Variants in LUZP2 observed in about 807,000 individuals in gnomAD.
The protein encoded by LUZP2 is leucine zipper protein 2.
Under a neutral mutation model 51.6 loss-of-function variants are expected in LUZP2, and 52 were observed. The observed-to-expected ratio is 1.01, with a 90% CI of 0.81 to 1.27. The LOEUF is 1.27. Among genes scored for constraint, LUZP2 ranks in the 50% most tolerant of loss-of-function variants. The pLI is 0.00. For synonymous variants in LUZP2, 154 were observed against 137.3 expected, an observed-to-expected ratio of 1.12 and a Z score of -0.85; for missense variants, 436 against 395.4, an observed-to-expected ratio of 1.10 and a Z score of -0.87.
rs138945554 is a variant in LUZP2, at chr11:24,513,101, T to C, written c.62+15796T>C. On this transcript the variant is annotated intron_variant, in intron 1 of 11. Transcript: ENST00000336930. Reference sequence around the variant, plus strand: ...GACATAGTTTTCCTTTCAGTCTCTGTTTTTTAATTACTATTATTTTAAGAA... The same window carrying C: ...GACATAGTTTTCCTTTCAGTCTCTGCTTTTTAATTACTATTATTTTAAGAA... 2.0e-3 allele frequency among the ~76,000 whole-genome samples: 305 copies of C among 152,336 alleles called. 1 individual carries two copies. Among genetic ancestry groups the C allele is most frequent in the African/African-American group, 7.0e-3 (292 of 41,562 alleles).
At chr11:24,990,418 A>G (rs1433187439) in intron 9 of LUZP2, among the ~76,000 whole-genome samples, 1 of 152,098 alleles carries the variant, frequency 6.6e-6, no homozygotes, top group Non-Finnish European at 1.5e-5. Context: ...AGTCAAGGAC[A>G]AATCTTTAGA....
rs561070299 is a variant in LUZP2, at chr11:24,655,386, C to CT, written c.63-73773dup. Among the ~76,000 whole-genome samples the CT allele has an allele frequency of 2.6e-3, 381 of 147,776 alleles. 2 individuals are homozygous for CT. Among genetic ancestry groups the CT allele is most frequent in the African/African-American group, 3.3e-3 (133 of 40,280 alleles). On this transcript the variant is annotated intron_variant, in intron 1 of 11. Transcript: ENST00000336930. ...ATTTCAGCTTTTTAAAAATAGAGGT[C>CT]TTTTTTTTTTAATAACTAGAGGTGC...
intron 1 of LUZP2, among the ~76,000 whole-genome samples, chr11:24,673,863 C>T (rs1856469594): frequency 6.6e-6 from 1 of 152,198 alleles, no homozygotes; most frequent in Admixed American, 6.5e-5. Context: ...TTTCTTAACA[C>T]ATATTCACTT....
Position 24,566,326 on chromosome 11 carries a change from ATT to A in LUZP2, c.62+69042_62+69043del, listed in dbSNP as rs869144004. Among the ~76,000 whole-genome samples the A allele has an allele frequency of 4.4e-3, 413 of 92,996 alleles. 4 individuals carry two copies. The highest frequency in any genetic ancestry group is 0.014 in the African/African-American group (376 of 25,948). The allele number at this position is 92,996 out of a possible 152,430, so 61.0% of individuals were successfully genotyped here. A position where few individuals can be genotyped will look rare whatever the true frequency, so the allele number is the denominator to read the frequency against. On this transcript the variant is annotated intron_variant, in intron 1 of 11. Coordinates refer to ENST00000336930, the MANE Select transcript of LUZP2 (RefSeq NM_001009909.4). ...TATTTATTTATTGTATTATTTATTT[ATT>A]TTTTTTTTTTTTTTTTTTTTGAGAC...
intron 9 of LUZP2, among the ~76,000 whole-genome samples, chr11:25,007,203 C>T (rs1205086869): frequency 6.6e-6 from 1 of 152,122 alleles, no homozygotes; most frequent in Non-Finnish European, 1.5e-5. Context: ...AAGTCCCCAC[C>T]CGACCCAGAA....
At chr11:24,872,959 C>T (rs1393270137) in intron 5 of LUZP2, among the ~76,000 whole-genome samples, 1 of 152,070 alleles carries the variant, frequency 6.6e-6, no homozygotes, top group Non-Finnish European at 1.5e-5. Context: ...CTGTAACACT[C>T]TATCAAATAA....
At chr11:24,981,829 T>C (rs1206230467) in intron 8 of LUZP2, among the ~76,000 whole-genome samples, 1 of 151,864 alleles carries the variant, frequency 6.6e-6, no homozygotes, top group Non-Finnish European at 1.5e-5. Flanking sequence ...AGACAACCTA[T>C]AGAATAGGTG....
chr11:24,513,898 C>G (rs565648450), intron 1 of LUZP2, among the ~76,000 whole-genome samples: 2 of 152,238 alleles, frequency 1.3e-5, no homozygotes, highest in African/African-American at 4.8e-5. Flanking sequence ...ATAAGAGTTG[C>G]CAAACAGAAT....
intron 3 of LUZP2, among the ~76,000 whole-genome samples, chr11:24,734,453 A>G (rs1858850908): frequency 6.6e-6 from 1 of 151,894 alleles, no homozygotes; most frequent in Admixed American, 6.6e-5. Context: ...CAGATGATAG[A>G]ACAAGTCTTT....
At chr11:25,019,764 C>T (rs992707627) in intron 9 of LUZP2, among the ~76,000 whole-genome samples, 12 of 151,926 alleles carry the variant, frequency 7.9e-5, no homozygotes, top group Non-Finnish European at 1.0e-4. Context: ...TTTAAACTGC[C>T]GTTATGGGAG....
intron 7 of LUZP2, among the ~76,000 whole-genome samples, chr11:24,971,315 C>T (rs1855730192): frequency 6.6e-6 from 1 of 152,132 alleles, no homozygotes; most frequent in South Asian, 2.1e-4. Flanking sequence ...ATGCGTAGTT[C>T]ACAATAGGGT....
chr11:24,760,796 A>T (rs186650006), intron 4 of LUZP2, among the ~76,000 whole-genome samples: 82 of 152,322 alleles, frequency 5.4e-4, no homozygotes, highest in African/African-American at 1.9e-3. Context: ...AGAAAGAGGA[A>T]TCCATGGATT....
At chr11:24,925,102 G>A (rs1441522120) in intron 7 of LUZP2, among the ~76,000 whole-genome samples, 1 of 152,110 alleles carries the variant, frequency 6.6e-6, no homozygotes. Context: ...ATACGTCAAA[G>A]AAATATATTT....
chr11:24,542,375 A>G (rs556670625), intron 1 of LUZP2, among the ~76,000 whole-genome samples: 1 of 152,220 alleles, frequency 6.6e-6, no homozygotes, highest in East Asian at 1.9e-4. Flanking sequence ...TCATGAGGTC[A>G]TACCCACACC....
At chr11:24,523,411 G>C (rs1032858548) in intron 1 of LUZP2, among the ~76,000 whole-genome samples, 1 of 151,442 alleles carries the variant, frequency 6.6e-6, no homozygotes. Flanking sequence ...TTATATACCA[G>C]AGATTGTGTA....
intron 9 of LUZP2, among the ~76,000 whole-genome samples, chr11:25,045,149 T>C (rs936659744): frequency 6.6e-6 from 1 of 151,690 alleles, no homozygotes; most frequent in Non-Finnish European, 1.5e-5. Flanking sequence ...ATGGCACATG[T>C]ATACATATGT....
intron 1 of LUZP2, among the ~76,000 whole-genome samples, chr11:24,701,067 T>C (rs1016111762): frequency 1.3e-5 from 2 of 152,182 alleles, no homozygotes; most frequent in African/African-American, 4.8e-5. Flanking sequence ...ATTCATCTGT[T>C]TTTGTGTTGC....
At chr11:24,977,791 A>G in intron 8 of LUZP2, among the ~76,000 whole-genome samples, 1 of 151,744 alleles carries the variant, frequency 6.6e-6, no homozygotes, top group South Asian at 2.1e-4. Flanking sequence ...ACAAGTATAT[A>G]TGTATTTTAT....
At chr11:24,573,848 C>G (rs1852518576) in intron 1 of LUZP2, among the ~76,000 whole-genome samples, 1 of 136,356 alleles carries the variant, frequency 7.3e-6, no homozygotes, top group Admixed American at 7.6e-5. Context: ...AAAAATGTAA[C>G]TGAATTCTTG....
Sources: allele counts gnomAD v4.1 joint callset (sites outside exome capture counted in the v4.1 genomes callset), GRCh38; gene constraint gnomAD v4.1.1; transcripts MANE v1.5; gene names NCBI Gene and HGNC (gene_info 2026-07-23, HGNC 2026-07-21).